SLC22A11: variants seen among roughly 807,000 people sequenced by gnomAD.
SLC22A11 encodes solute carrier family 22 member 11.
Under a neutral mutation model 49.4 loss-of-function variants are expected in SLC22A11, and 42 were observed. The ratio of observed to expected loss-of-function variants is 0.85; its 90% CI spans 0.66 to 1.10. The LOEUF is 1.10. Ranked by LOEUF, SLC22A11 falls within the 50% of genes least tolerant of loss-of-function variation. The probability of loss-of-function intolerance (pLI) is 0.00; values close to 1 mark genes in which losing one functional copy is unlikely to be tolerated. For missense variants in SLC22A11, 685 were observed against 731.6 expected (o/e 0.94, Z 0.74); for synonymous variants, 304 against 315.8 (o/e 0.96, Z 0.40).
chr11:64,561,088 A>G (rs574208879), intron 2 of SLC22A11, among the ~76,000 whole-genome samples: 6 of 152,206 alleles, frequency 3.9e-5, no homozygotes, highest in Admixed American at 2.0e-4. Flanking sequence ...CTCCGTTCTG[A>G]GCAGAACGGG....
chr11:64,569,687 G>T lies in SLC22A11; in HGVS notation c.1418G>T (p.Arg473Leu), dbSNP rs140361656. The change falls in exon 9 of 10, where the codon CGG becomes CTG. Residue 473 changes from arginine to leucine, a missense_variant. Transcript: ENST00000301891. ...GATGGCATTCTGCATACAGTGGGCCGGCTGGGGGCTATGATGGGTCCCCTG... is the reference window on the plus strand; with the variant it reads ...GATGGCATTCTGCATACAGTGGGCCTGCTGGGGGCTATGATGGGTCCCCTG... ...TADGILHTVG[R>L]LGAMMGPLIL... 1.2e-6 allele frequency: 2 copies of T among 1,614,022 alleles called. No individual in the cohort carries two copies. Among genetic ancestry groups the T allele is most frequent in the African/African-American group, 2.7e-5 (2 of 74,924 alleles).
At chr11:64,559,396 C>T (rs1037327272) in intron 2 of SLC22A11, among the ~76,000 whole-genome samples, 158 bp downstream of exon 2, 10 of 152,274 alleles carry the variant, frequency 6.6e-5, no homozygotes, top group African/African-American at 2.2e-4. Context: ...CCGAACCAAC[C>T]CACAGGCTGT....
In SLC22A11 at chr11:64,565,236, C is replaced by T. The variant is rs767825120; in HGVS notation, c.957C>T (p.Ser319=). 1.9e-6 allele frequency: 3 copies of T among 1,541,996 alleles called. No homozygotes were observed. The highest frequency in any genetic ancestry group is 2.4e-5 in the East Asian group (1 of 40,824). The change falls in exon 6 of 10, where the codon AGC becomes AGT. Residue 319 remains serine (S), a synonymous_variant. Transcript: ENST00000301891. The surrounding 1 kb of genome is among the most constrained non-coding windows in gnomAD (Gnocchi z 4.1). ...KNLTIEVLMS[S]VKEEVASAKE... is the part of the protein sequence containing the mutation. ...CTCCCCGGAAGGTGCTGATGTCCAG[C>T]GTGAAGGAGGAGGTGGCCTCTGCAA...
At position 64,559,072 on chromosome 11, in the gene SLC22A11, G is replaced by A. The variant is rs540623406; in HGVS notation, c.394-63G>A. On this transcript the variant is annotated intron_variant, in intron 1 of 9. Coordinates refer to ENST00000301891, the MANE Select transcript of SLC22A11 (RefSeq NM_018484.4). Reference sequence around the variant, plus strand: ...CCCCAGTGTGGGTCAGGCGTTCCTCGGCCGTGCCCAGCCCTGTGATTTCAT... The same window carrying A: ...CCCCAGTGTGGGTCAGGCGTTCCTCAGCCGTGCCCAGCCCTGTGATTTCAT... The A allele has an allele frequency of 2.8e-5, 40 of 1,446,056 alleles. No homozygotes were observed. The East Asian group carries it at 6.8e-4, about 25-fold the overall frequency. The allele number at this position is 1,446,056 out of a possible 1,614,324, so 89.6% of individuals were successfully genotyped here.
In SLC22A11 at chr11:64,562,898, C is replaced by G. The variant is rs896897304; in HGVS notation, c.821+463C>G. Among the ~76,000 whole-genome samples, 2 of 152,228 alleles carry G rather than the reference C, an allele frequency of 1.3e-5. No homozygotes were observed. The highest frequency in any genetic ancestry group is 4.8e-5 in the African/African-American group (2 of 41,454). ...CCTGGGCTGAGGCTGTGAGCATCGT[C>G]CTTCCTCAATACTTGCACCAGCCCC... On this transcript the variant is annotated intron_variant, in intron 4 of 9. Coordinates refer to ENST00000301891, the MANE Select transcript of SLC22A11 (RefSeq NM_018484.4). This position sits in a 1 kb window ranked among gnomAD's most constrained non-coding sequence, Gnocchi z 4.4.
Position 64,562,238 on chromosome 11 carries a change from C to T in SLC22A11, c.653-29C>T, listed in dbSNP as rs745905815. ...ATGGGGCTCAGGCCGCCGCATGAGG[C>T]CTCACCTGCACGTGTCTGCATCCTT... On this transcript the variant is annotated intron_variant, in intron 3 of 9. Transcript: ENST00000301891. The surrounding 1 kb of genome is among the most constrained non-coding windows in gnomAD (Gnocchi z 4.4). 7.5e-6 allele frequency: 12 copies of T among 1,600,478 alleles called. No homozygotes were observed. The African/African-American group carries it at 1.6e-4, about 21-fold the overall frequency.
rs1163192880 is a variant in SLC22A11, at chr11:64,571,414, G to A, written c.*372G>A. 2.7e-5 allele frequency: 6 copies of A among 219,804 alleles called. No homozygotes were observed. The highest frequency in any genetic ancestry group is 6.9e-5 in the African/African-American group (3 of 43,760). The allele number at this position is 219,804 out of a possible 1,614,324, so 13.6% of individuals were successfully genotyped here. On this transcript the variant is annotated 3_prime_UTR_variant, in exon 10 of 10. Coordinates refer to ENST00000301891, the MANE Select transcript of SLC22A11 (RefSeq NM_018484.4). ...CCAATCTCACCCCACCACATACAGAGCCCTCATCTGTGAAATGAGAATGAT... is the reference window on the plus strand; with the variant it reads ...CCAATCTCACCCCACCACATACAGAACCCTCATCTGTGAAATGAGAATGAT...
At chr11:64,563,508 C>T (rs1188710515) in intron 4 of SLC22A11, among the ~76,000 whole-genome samples, 2 of 148,794 alleles carry the variant, frequency 1.3e-5, no homozygotes, top group Non-Finnish European at 3.0e-5. Flanking sequence ...GTGCCTTCCA[C>T]CAGGAAAGTG....
rs374708371 is a variant in SLC22A11, at chr11:64,556,334, C to A, written c.335C>A (p.Pro112Gln). The stretch of plus-strand genomic sequence containing the variant: ...AGCTGGAGCGAAGCTGACACGGAGC[C>A]GTGTGTGGACGGCTGGGTCTATGAC... ...ATSWSEADTEPCVDGWVYDRS... is the reference protein window; with the variant it reads ...ATSWSEADTEQCVDGWVYDRS... Residue 112 changes from proline to glutamine, a missense_variant, in exon 1 of 10, where the codon CCG becomes CAG. Pro to Gln is a moderately conservative substitution (Grantham distance 76, BLOSUM62 -1). Coordinates refer to ENST00000301891, the MANE Select transcript of SLC22A11 (RefSeq NM_018484.4). 9 of 1,613,292 alleles carry A rather than the reference C, an allele frequency of 5.6e-6. No homozygotes were observed. In the South Asian group the frequency reaches 8.8e-5, roughly 16 times the overall value.
chr11:64,569,011 C>T (rs1222310142), intron 8 of SLC22A11, among the ~76,000 whole-genome samples: 3 of 152,188 alleles, frequency 2.0e-5, no homozygotes, highest in Admixed American at 2.0e-4. Flanking sequence ...GTCATCTGTC[C>T]AGATGGAATC....
At position 64,565,110 on chromosome 11, in the gene SLC22A11, G is replaced by A; in HGVS notation, c.943-112G>A. Reference sequence around the variant, plus strand: ...TAGGGATCCAGCTTCCAGAGGCCGAGGCCCAGGACAGGCTCCCCGTCACTC... The same window carrying A: ...TAGGGATCCAGCTTCCAGAGGCCGAAGCCCAGGACAGGCTCCCCGTCACTC... On this transcript the variant is annotated intron_variant, in intron 5 of 9. Coordinates refer to ENST00000301891, the MANE Select transcript of SLC22A11 (RefSeq NM_018484.4). The surrounding 1 kb of genome is among the most constrained non-coding windows in gnomAD (Gnocchi z 4.1). The A allele has an allele frequency of 2.5e-6, 2 of 807,844 alleles. No individual in the cohort carries two copies. The highest frequency in any genetic ancestry group is 1.9e-6 in the Non-Finnish European group (1 of 516,670). 50.0% of individuals were successfully genotyped at this position (807,844 alleles called of 1,614,324 possible).
chr11:64,569,712 G>C lies in SLC22A11; in HGVS notation c.1443G>C (p.Leu481=), dbSNP rs772055433. The change falls in exon 9 of 10, where the codon CTG becomes CTC. Residue 481 remains leucine, a synonymous_variant. Coordinates refer to ENST00000301891, the MANE Select transcript of SLC22A11 (RefSeq NM_018484.4). ...GGCTGGGGGCTATGATGGGTCCCCTGATCCTGATGAGCCGCCAAGCCCTGC... is the reference window on the plus strand; with the variant it reads ...GGCTGGGGGCTATGATGGGTCCCCTCATCCTGATGAGCCGCCAAGCCCTGC... ...VGRLGAMMGP[L]ILMSRQALPL... 6.2e-7 allele frequency: 1 copy of C among 1,614,042 alleles called. No homozygotes were observed. Among genetic ancestry groups the C allele is most frequent in the African/African-American group, 1.3e-5 (1 of 74,928 alleles).
intron 7 of SLC22A11, 110 bp from the exon 8 acceptor site, chr11:64,568,560 C>T (rs573033514): frequency 6.9e-6 from 6 of 866,696 alleles, no homozygotes; most frequent in Middle Eastern, 4.5e-4. Context: ...GGGCCGGGGA[C>T]TTGTAGGGAG....
chr11:64,564,307 G>C lies in SLC22A11; in HGVS notation c.822-1G>C. On this transcript the variant is annotated splice_acceptor_variant, in intron 4 of 9. Transcript: ENST00000301891. LOFTEE classifies it high-confidence loss of function. This position sits in a 1 kb window ranked among gnomAD's most constrained non-coding sequence, Gnocchi z 4.2. ...CCAGCTACACACCTGCCTCCTTACA[G>C]GTGGCTGCCAGAATCCGCCCGGTGG... 6.2e-7 allele frequency: 1 copy of C among 1,614,042 alleles called. No homozygotes were observed. Among genetic ancestry groups the C allele is most frequent in the South Asian group, 1.1e-5 (1 of 91,086 alleles).
intron 7 of SLC22A11, among the ~76,000 whole-genome samples, chr11:64,568,148 C>T (rs2038654066): frequency 6.6e-6 from 1 of 152,240 alleles, no homozygotes; most frequent in East Asian, 1.9e-4. Flanking sequence ...GCTCTGAGCG[C>T]GAGCAGCTGC....
intron 2 of SLC22A11, 28 bp from the exon 3 acceptor site, chr11:64,561,976 G>C (rs369401248): frequency 1.3e-6 from 2 of 1,595,854 alleles, no homozygotes; most frequent in Non-Finnish European, 1.7e-6. Context: ...CCCCTCTCCA[G>C]GCCCCGTGTG....
chr11:64,564,425 A>G lies in SLC22A11; in HGVS notation c.939A>G (p.Ile313Met). Residue 313 changes from isoleucine (I) to methionine (M), a missense_variant, in exon 5 of 10, where the codon ATA (isoleucine) becomes ATG (methionine). Physicochemically the swap from Ile to Met is conservative, Grantham distance 10 (BLOSUM62 1). Transcript: ENST00000301891. The surrounding 1 kb of genome is among the most constrained non-coding windows in gnomAD (Gnocchi z 4.2). ...ACAAGGAGGCCAAGAACCTGACCATAGAGGTGAGATGCTGCTGTCTGCGAG... is the reference window on the plus strand; with the variant it reads ...ACAAGGAGGCCAAGAACCTGACCATGGAGGTGAGATGCTGCTGTCTGCGAG... ...NGHKEAKNLTIEVLMSSVKEE... is the reference protein window; with the variant it reads ...NGHKEAKNLTMEVLMSSVKEE... 6.2e-7 allele frequency: 1 copy of G among 1,614,048 alleles called. No homozygotes were observed. Among genetic ancestry groups the G allele is most frequent in the Non-Finnish European group, 8.5e-7 (1 of 1,179,970 alleles).
At chr11:64,559,304 A>G (rs2038509500) in intron 2 of SLC22A11, 66 bp downstream of exon 2, 2 of 1,265,276 alleles carry the variant, frequency 1.6e-6, no homozygotes, top group Admixed American at 5.1e-5. Flanking sequence ...ATGGGGCAGA[A>G]GGTTCAGAAA....
intron 8 of SLC22A11, among the ~76,000 whole-genome samples, chr11:64,569,350 A>G (rs1294840853): frequency 6.6e-6 from 1 of 152,148 alleles, no homozygotes. Context: ...ACAAGCATTT[A>G]TTGATTTTGT....
Sources: allele counts gnomAD v4.1 joint callset (sites outside exome capture counted in the v4.1 genomes callset), GRCh38; gene constraint gnomAD v4.1.1; non-coding constraint Gnocchi (gnomAD v3.1); transcripts MANE v1.5; gene names NCBI Gene and HGNC (gene_info 2026-07-23, HGNC 2026-07-21).